Variants in RSU1 observed in about 807,000 individuals in gnomAD.
The protein encoded by RSU1 is rsu-1.
RSU1 carries 26 observed loss-of-function variants against 31.1 expected under a neutral mutation model. The ratio of observed to expected loss-of-function variants is 0.84; its 90% CI spans 0.61 to 1.16. RSU1 has a LOEUF of 1.16. Ranked by LOEUF, RSU1 falls within the 50% of genes most tolerant of loss-of-function variation. The probability of loss-of-function intolerance (pLI) is 0.00; values close to 1 mark genes in which losing one functional copy is unlikely to be tolerated. For missense variants in RSU1, 320 were observed against 339.1 expected (o/e 0.94, Z 0.44); for synonymous variants, 164 against 136.3 (o/e 1.20, Z -1.41).
intron 8 of RSU1, among the ~76,000 whole-genome samples, chr10:16,669,471 T>C (rs1274795214): frequency 6.6e-6 from 1 of 152,192 alleles, no homozygotes; most frequent in South Asian, 2.1e-4. Context: ...TTTGGCTACT[T>C]ACCCACCCCA....
intron 8 of RSU1, among the ~76,000 whole-genome samples, chr10:16,605,668 C>T (rs954233874): frequency 6.6e-6 from 1 of 152,206 alleles, no homozygotes; most frequent in African/African-American, 2.4e-5. Context: ...CCACCTGGAG[C>T]TGTCTACTGA....
intron 3 of RSU1, among the ~76,000 whole-genome samples, chr10:16,781,263 C>T (rs3780972): frequency 0.22 from 33,796 of 152,034 alleles, 3,936 homozygotes; most frequent in African/African-American, 0.27. Context: ...ACGAAGAAAA[C>T]GGCCCATCAT....
rs750679227 is a variant in RSU1, at chr10:16,793,809, C to T, written c.110-11725G>A. ...TGAAATAAAACACTAGGATACAATA[C>T]AGAAAGTGATGGTGAATGTTATTTG... On this transcript the variant is annotated intron_variant, in intron 2 of 8. Coordinates refer to ENST00000345264, the MANE Select transcript of RSU1 (RefSeq NM_012425.4). 4.6e-5 allele frequency among the ~76,000 whole-genome samples: 7 copies of T among 151,336 alleles called. 1 individual carries two copies. Among genetic ancestry groups the T allele is most frequent in the Admixed American group, 2.0e-4 (3 of 15,124 alleles).
At position 16,774,775 on chromosome 10, in the gene RSU1, C is replaced by A. The variant is rs1837494189; in HGVS notation, c.160+7259G>T. On this transcript the variant is annotated intron_variant, in intron 3 of 8. Coordinates refer to ENST00000345264, the MANE Select transcript of RSU1 (RefSeq NM_012425.4). ...CTACAGATCAGGGTTGTAGTTTTCA[C>A]TCTATTATTTAAAAAGATCAGTGAC... is the stretch of plus-strand genomic sequence containing the variant. Among the ~76,000 whole-genome samples, 7 of 152,296 alleles carry A rather than the reference C, an allele frequency of 4.6e-5. No homozygotes were observed. The South Asian group carries it at 1.4e-3, about 32-fold the overall frequency.
intron 7 of RSU1, among the ~76,000 whole-genome samples, chr10:16,742,068 G>A (rs901056006): frequency 3.3e-5 from 5 of 152,072 alleles, no homozygotes; most frequent in South Asian, 2.1e-4. Context: ...GAGAAGAGCC[G>A]ATATTTTTAA....
At chr10:16,714,600 T>TG (rs951933619) in intron 7 of RSU1, among the ~76,000 whole-genome samples, 5 of 151,530 alleles carry the variant, frequency 3.3e-5, no homozygotes, top group Non-Finnish European at 5.9e-5. Flanking sequence ...GCCTGTTCCC[T>TG]GGGGGGTGGG....
intron 7 of RSU1, among the ~76,000 whole-genome samples, chr10:16,749,561 G>T (rs1360380795): frequency 6.6e-6 from 1 of 152,148 alleles, no homozygotes; most frequent in Admixed American, 6.5e-5. Flanking sequence ...CCAGTGCCCA[G>T]CACTGCCCAT....
chr10:16,662,345 CA>C (rs145014575), intron 8 of RSU1, among the ~76,000 whole-genome samples: 1,578 of 152,264 alleles, frequency 0.01, 22 homozygotes, highest in African/African-American at 0.035. Context: ...TCTGATTAAT[CA>C]AAAAATCATA....
intron 8 of RSU1, among the ~76,000 whole-genome samples, chr10:16,668,862 AT>A (rs1352890043): frequency 6.6e-6 from 1 of 152,172 alleles, no homozygotes; most frequent in Non-Finnish European, 1.5e-5. Context: ...CACTGACATG[AT>A]TCCAGGCAAC....
At chr10:16,729,518 G>C (rs941545786) in intron 7 of RSU1, among the ~76,000 whole-genome samples, 5 of 152,134 alleles carry the variant, frequency 3.3e-5, no homozygotes, top group Non-Finnish European at 7.4e-5. Flanking sequence ...CTGTATGCTA[G>C]ATGGCCAAGG....
chr10:16,788,376 C>T (rs889316849), intron 2 of RSU1, among the ~76,000 whole-genome samples: 30 of 152,060 alleles, frequency 2.0e-4, no homozygotes, highest in South Asian at 2.1e-4. Context: ...TATTGGGAGG[C>T]GGGGCCTTTG....
At chr10:16,794,910 C>T (rs1837996301) in intron 2 of RSU1, among the ~76,000 whole-genome samples, 1 of 152,134 alleles carries the variant, frequency 6.6e-6, no homozygotes, top group African/African-American at 2.4e-5. Flanking sequence ...CCCATGAGAT[C>T]CTGAGAAAAA....
chr10:16,753,416 G>C (rs115585132), intron 5 of RSU1, among the ~76,000 whole-genome samples: 3,154 of 152,250 alleles, frequency 0.021, 123 homozygotes, highest in African/African-American at 0.071. Flanking sequence ...AGAGAATACA[G>C]CTCTGTTAAA....
intron 3 of RSU1, among the ~76,000 whole-genome samples, chr10:16,774,705 G>T (rs1385241163): frequency 1.3e-5 from 2 of 152,166 alleles, no homozygotes; most frequent in African/African-American, 4.8e-5. Flanking sequence ...AACACAATGG[G>T]ATCCACAAGC....
intron 7 of RSU1, among the ~76,000 whole-genome samples, chr10:16,746,075 C>T (rs978079610): frequency 1.2e-4 from 18 of 152,182 alleles, no homozygotes; most frequent in African/African-American, 4.3e-4. Context: ...TGTACATCCA[C>T]TCATTGTTAA....
chr10:16,704,012 C>A (rs1442165752), intron 7 of RSU1, among the ~76,000 whole-genome samples: 1 of 152,128 alleles, frequency 6.6e-6, no homozygotes, highest in African/African-American at 2.4e-5. Flanking sequence ...GCATTTCTAA[C>A]AAGTTCTTAG....
intron 8 of RSU1, among the ~76,000 whole-genome samples, chr10:16,640,117 G>C (rs1410085039): frequency 1.3e-5 from 2 of 152,046 alleles, no homozygotes; most frequent in South Asian, 4.2e-4. Context: ...ATTATGACAG[G>C]GGAAGAGAGG....
intron 3 of RSU1, among the ~76,000 whole-genome samples, chr10:16,774,324 T>A (rs76194666): frequency 6.6e-6 from 1 of 152,018 alleles, no homozygotes; most frequent in African/African-American, 2.4e-5. Context: ...CTTTAAGAAA[T>A]AGCATCACTA....
At chr10:16,695,435 T>C (rs1835655243) in intron 7 of RSU1, among the ~76,000 whole-genome samples, 1 of 152,194 alleles carries the variant, frequency 6.6e-6, no homozygotes, top group Non-Finnish European at 1.5e-5. Flanking sequence ...GAGACAAAAA[T>C]GACTTGTTCA....
Sources: gnomAD v4.1 joint callset for allele counts (sites outside exome capture counted in the v4.1 genomes callset) on GRCh38, gnomAD v4.1.1 for gene constraint, MANE v1.5 for transcripts, NCBI Gene and HGNC (gene_info 2026-07-23, HGNC 2026-07-21) for gene names.